Variants in HIVEP3 observed in about 807,000 individuals in gnomAD.
The protein encoded by HIVEP3 is HIVEP zinc finger 3.
HIVEP3 carries 49 observed loss-of-function variants against 152.8 expected under a neutral mutation model. That is an observed-to-expected ratio of 0.32 (90% CI 0.26 to 0.41). The LOEUF (loss-of-function observed/expected upper bound fraction) is 0.41, where lower values mean the gene tolerates loss of function less well. Ranked by LOEUF, HIVEP3 falls within the 10% of genes least tolerant of loss-of-function variation. The pLI, the probability that HIVEP3 is intolerant of heterozygous loss-of-function variation, is 1.00. For synonymous variants in HIVEP3, 1,269 were observed against 1,289.0 expected (o/e 0.98, Z 0.33); for missense variants, 2,790 against 3,103.3 (o/e 0.90, Z 2.40).
chr1:41,789,828 T>C (rs1025789469), intron 1 of HIVEP3, among the ~76,000 whole-genome samples: 8 of 152,188 alleles, frequency 5.3e-5, no homozygotes, highest in Non-Finnish European at 8.8e-5. Context: ...AGTTGCCCCA[T>C]GCCCTGTCCT....
chr1:42,020,641 T>G (rs1040748695), intron 1 of HIVEP3, among the ~76,000 whole-genome samples: 1 of 152,176 alleles, frequency 6.6e-6, no homozygotes, highest in Admixed American at 6.5e-5. Flanking sequence ...ATTTAATAAG[T>G]CATTCAAAAA....
intron 1 of HIVEP3, among the ~76,000 whole-genome samples, chr1:41,811,729 G>A (rs1478681257): frequency 3.9e-5 from 6 of 151,908 alleles, no homozygotes. Context: ...AGGAGAGGGT[G>A]AGAAATGGGA....
At chr1:41,567,033 A>G (rs942769971) in intron 5 of HIVEP3, among the ~76,000 whole-genome samples, 3 of 152,044 alleles carry the variant, frequency 2.0e-5, no homozygotes, top group African/African-American at 7.2e-5. Flanking sequence ...CCAATTGCCA[A>G]ATGTCTCCCT....
At chr1:41,591,438 A>G (rs1424585239) in intron 3 of HIVEP3, among the ~76,000 whole-genome samples, 1 of 152,140 alleles carries the variant, frequency 6.6e-6, no homozygotes, top group Non-Finnish European at 1.5e-5. Context: ...ATAAGAACAC[A>G]GGCAGGCGAT....
At position 41,510,212 on chromosome 1, in the gene HIVEP3, G is replaced by GGTT. The variant is rs1191371129; in HGVS notation, c.*236_*238dup. 2.7e-6 allele frequency: 1 copy of GGTT among 374,864 alleles called. No homozygotes were observed. The highest frequency in any genetic ancestry group is 4.7e-6 in the Non-Finnish European group (1 of 213,020). The allele number at this position is 374,864 out of a possible 1,614,324, so 23.2% of individuals were successfully genotyped here. A position where few individuals can be genotyped will look rare whatever the true frequency, so the allele number is the denominator to read the frequency against. On this transcript the variant is annotated 3_prime_UTR_variant, in exon 9 of 9. Transcript: ENST00000372583. ...TATTCACAGCCTCAGACTCCTCGTG[G>GGTT]GTTGTTGTTTTTTTTTTAAATGTAT...
intron 1 of HIVEP3, among the ~76,000 whole-genome samples, chr1:42,009,860 C>T (rs1004511648): frequency 6.6e-6 from 1 of 152,256 alleles, no homozygotes; most frequent in East Asian, 1.9e-4. Flanking sequence ...AAATTTGCCA[C>T]CTTTTCTAGT....
chr1:42,012,411 G>C (rs1645497978), intron 1 of HIVEP3, among the ~76,000 whole-genome samples: 1 of 129,508 alleles, frequency 7.7e-6, no homozygotes, highest in South Asian at 3.1e-4. Context: ...TGGTCCCCAT[G>C]ATGGGGCTGG....
At chr1:41,806,565 G>A (rs900539922) in intron 1 of HIVEP3, among the ~76,000 whole-genome samples, 2 of 152,250 alleles carry the variant, frequency 1.3e-5, no homozygotes, top group African/African-American at 4.8e-5. Context: ...TGCCTCTGAA[G>A]GTTGTCACTA....
In HIVEP3 at chr1:41,511,949, A is replaced by T. The variant is rs1357502170; in HGVS notation, c.6406-683T>A. On this transcript the variant is annotated intron_variant, in intron 8 of 8. Coordinates refer to ENST00000372583, the MANE Select transcript of HIVEP3 (RefSeq NM_024503.5). The surrounding 1 kb of genome is among the most constrained non-coding windows in gnomAD (Gnocchi z 4.9). ...GACAGTGGTGGTGCTGGCCATGGGG[A>T]TAGTGCTGATGGTTGACAAGGATGA... Among the ~76,000 whole-genome samples, 1 of 151,964 alleles carries T rather than the reference A, an allele frequency of 6.6e-6. No homozygotes were observed. Among genetic ancestry groups the T allele is most frequent in the South Asian group, 2.1e-4 (1 of 4,810 alleles).
intron 5 of HIVEP3, among the ~76,000 whole-genome samples, chr1:41,559,820 CT>C (rs1644030943): frequency 6.6e-6 from 1 of 152,216 alleles, no homozygotes; most frequent in Admixed American, 6.5e-5. Flanking sequence ...ATAATAACAG[CT>C]GAGTTTTATG....
chr1:41,999,176 G>A (rs1282274401), intron 1 of HIVEP3, among the ~76,000 whole-genome samples: 1 of 151,922 alleles, frequency 6.6e-6, no homozygotes, highest in African/African-American at 2.4e-5. Flanking sequence ...TTACAGGTGT[G>A]AGCCACCACG....
intron 5 of HIVEP3, among the ~76,000 whole-genome samples, chr1:41,571,370 A>G (rs1316451647): frequency 6.6e-6 from 1 of 152,224 alleles, no homozygotes; most frequent in African/African-American, 2.4e-5. Context: ...GCTTAACAAA[A>G]AGCCATTCTA....
chr1:41,955,640 A>G (rs1160377853), intron 1 of HIVEP3, among the ~76,000 whole-genome samples: 1 of 152,242 alleles, frequency 6.6e-6, no homozygotes, highest in African/African-American at 2.4e-5. Context: ...ACTTAACCAC[A>G]GTAATCCACC....
intron 2 of HIVEP3, among the ~76,000 whole-genome samples, chr1:41,687,633 C>G (rs925868688): frequency 6.6e-6 from 1 of 152,220 alleles, no homozygotes; most frequent in Non-Finnish European, 1.5e-5. Context: ...CTTAGGTGCA[C>G]GGCGATGCTG....
At chr1:42,006,350 C>G (rs959783649) in intron 1 of HIVEP3, among the ~76,000 whole-genome samples, 1 of 152,190 alleles carries the variant, frequency 6.6e-6, no homozygotes, top group East Asian at 1.9e-4. Context: ...ACCAGAGCAG[C>G]GGTTCTGAAA....
Position 41,712,639 on chromosome 1 carries a change from G to A in HIVEP3, c.-800-11644C>T, listed in dbSNP as rs1031928768. ...CCCTTCTGAGTGAAGAGGGAAACCA[G>A]CGTCCTGAGCTGACCTGCCTCAGGG... On this transcript the variant is annotated intron_variant, in intron 1 of 8. Transcript: ENST00000372583. 2.0e-5 allele frequency among the ~76,000 whole-genome samples: 3 copies of A among 152,216 alleles called. No homozygotes were observed. The East Asian group carries it at 5.8e-4, about 29-fold the overall frequency.
intron 1 of HIVEP3, among the ~76,000 whole-genome samples, chr1:41,954,964 GTT>G (rs5773755): frequency 6.9e-6 from 1 of 144,716 alleles, no homozygotes; most frequent in African/African-American, 2.5e-5. Flanking sequence ...CAGCTTCCAG[GTT>G]TTTTTTTTTT....
intron 1 of HIVEP3, among the ~76,000 whole-genome samples, chr1:41,880,923 C>A (rs542971228): frequency 6.6e-6 from 1 of 152,308 alleles, no homozygotes; most frequent in South Asian, 2.1e-4. Flanking sequence ...TCTTGATAAC[C>A]AAACTAAGGC....
intron 7 of HIVEP3, among the ~76,000 whole-genome samples, chr1:41,517,097 GA>G (rs1276112435): frequency 3.3e-5 from 5 of 152,340 alleles, no homozygotes; most frequent in African/African-American, 1.2e-4. Context: ...TTCGTCCTCC[GA>G]AAAGTGGCTC....
Sources: gnomAD v4.1 joint callset for allele counts (sites outside exome capture counted in the v4.1 genomes callset) on GRCh38, gnomAD v4.1.1 for gene constraint, Gnocchi (gnomAD v3.1) non-coding constraint, MANE v1.5 for transcripts, NCBI Gene and HGNC (gene_info 2026-07-23, HGNC 2026-07-21) for gene names.